The following NCOA1 variants were observed in gnomAD, a reference collection of about 807,000 sequenced individuals.
The protein encoded by NCOA1 is Hin-2 protein.
NCOA1 carries 35 observed loss-of-function variants against 150.9 expected under a neutral mutation model. The observed-to-expected ratio is 0.23, with a 90% CI of 0.18 to 0.31. The LOEUF (loss-of-function observed/expected upper bound fraction) is 0.31. NCOA1 is among the 10% of genes least tolerant of loss of function. NCOA1 has a pLI of 1.00. For synonymous variants in NCOA1, 590 were observed against 630.0 expected, an observed-to-expected ratio of 0.94 and a Z score of 0.95; for missense variants, 1,491 against 1,749.3, an observed-to-expected ratio of 0.85 and a Z score of 2.63.
chr2:24,743,612 G>A (rs1311124104), intron 19 of NCOA1, among the ~76,000 whole-genome samples: 1 of 152,140 alleles, frequency 6.6e-6, no homozygotes, highest in Non-Finnish European at 1.5e-5. Flanking sequence ...ATTTCCATGT[G>A]TCTTACAATT....
At chr2:24,734,665 G>A (rs1663198712) in intron 17 of NCOA1, among the ~76,000 whole-genome samples, 1 of 152,122 alleles carries the variant, frequency 6.6e-6, no homozygotes, top group Admixed American at 6.6e-5. Context: ...CAAAAAGCCA[G>A]GTGTGGTGAT....
At chr2:24,704,112 G>A (rs1315909545) in intron 11 of NCOA1, among the ~76,000 whole-genome samples, 1 of 152,068 alleles carries the variant, frequency 6.6e-6, no homozygotes, top group Admixed American at 6.6e-5. Context: ...CTTAGTTTTT[G>A]TTCCTTATAC....
intron 3 of NCOA1, among the ~76,000 whole-genome samples, chr2:24,639,516 A>G (rs970559596): frequency 3.3e-5 from 5 of 152,044 alleles, no homozygotes; most frequent in Non-Finnish European, 7.4e-5. Context: ...TCAGTTGTCC[A>G]TATTTATTCC....
At chr2:24,570,162 A>G (rs1297613912) in intron 2 of NCOA1, among the ~76,000 whole-genome samples, 5 of 150,800 alleles carry the variant, frequency 3.3e-5, no homozygotes, top group African/African-American at 1.2e-4. Flanking sequence ...TCCAGGCTGT[A>G]TAATGCCACT....
At chr2:24,674,811 A>G (rs1330803947) in intron 7 of NCOA1, among the ~76,000 whole-genome samples, 2 of 152,126 alleles carry the variant, frequency 1.3e-5, no homozygotes, top group African/African-American at 4.8e-5. Context: ...CCTGCTGGTC[A>G]GAGTTCTGCA....
At position 24,576,149 on chromosome 2, in the gene NCOA1, G is replaced by GTTTTTTTTTTTTTTTTTTT. The variant is rs1183405187; in HGVS notation, c.-259-8314_-259-8313insTTTTTTTTTTTTTTTTTTT. On this transcript the variant is annotated intron_variant, in intron 2 of 22. Coordinates refer to ENST00000348332, the MANE Select transcript of NCOA1 (RefSeq NM_003743.5). ...GAGTTTCAGAAATTATTTGGCCTTT[G>GTTTTTTTTTTTTTTTTTTT]TTTTTTTTTTTTTGTTTTTTGTTTT... 8.5e-4 allele frequency among the ~76,000 whole-genome samples: 80 copies of GTTTTTTTTTTTTTTTTTTT among 94,000 alleles called. 10 individuals carry two copies. The highest frequency in any genetic ancestry group is 1.1e-3 in the Non-Finnish European group (54 of 48,852). The allele number at this position is 94,000 out of a possible 152,430, so 61.7% of individuals were successfully genotyped here.
intron 19 of NCOA1, among the ~76,000 whole-genome samples, chr2:24,744,704 C>G (rs1663801876): frequency 6.6e-6 from 1 of 152,184 alleles, no homozygotes; most frequent in African/African-American, 2.4e-5. Flanking sequence ...TATATGTGTT[C>G]CAACATGTTT....
intron 1 of NCOA1, among the ~76,000 whole-genome samples, chr2:24,508,137 A>G (rs1462983795): frequency 6.6e-6 from 1 of 152,156 alleles, no homozygotes; most frequent in Admixed American, 6.5e-5. Context: ...AGCTAATCCT[A>G]TTGATGGTGT....
rs1671452631 is a variant in NCOA1 at position 24,666,794 on chromosome 2, A to G, written c.256+879A>G. 3.9e-5 allele frequency among the ~76,000 whole-genome samples: 6 copies of G among 152,064 alleles called. No homozygotes were observed. In the South Asian group the frequency reaches 1.2e-3, roughly 32 times the overall value. The stretch of plus-strand genomic sequence containing the variant: ...ATTACAAGTGCGCGCCACTATGCCC[A>G]GCTAATTTTTGTATTTTTAGTAGAG... On this transcript the variant is annotated intron_variant, in intron 6 of 22. Transcript: ENST00000348332.
In NCOA1 at chr2:24,672,133, A is replaced by G. The variant is rs572781170; in HGVS notation, c.257-1233A>G. On this transcript the variant is annotated intron_variant, in intron 6 of 22. Coordinates refer to ENST00000348332, the MANE Select transcript of NCOA1 (RefSeq NM_003743.5). ...ATTGTTTATATATATGTTTATATAT[A>G]TAACAATATATTGTTTATGAAATCA... is the stretch of plus-strand genomic sequence containing the variant. Among the ~76,000 whole-genome samples the G allele has an allele frequency of 5.9e-3, 343 of 58,414 alleles. 1 individual carries two copies. Among genetic ancestry groups the G allele is most frequent in the Non-Finnish European group, 0.011 (209 of 18,426 alleles). 38.3% of individuals were successfully genotyped at this position (58,414 alleles called of 152,430 possible).
At chr2:24,611,111 T>C (rs568548819) in intron 3 of NCOA1, among the ~76,000 whole-genome samples, 2 of 152,298 alleles carry the variant, frequency 1.3e-5, no homozygotes, top group South Asian at 2.1e-4. Flanking sequence ...CATCTCTCCC[T>C]CCCTGCTCTG....
intron 7 of NCOA1, among the ~76,000 whole-genome samples, chr2:24,675,190 A>G (rs771882896): frequency 6.6e-6 from 1 of 152,238 alleles, no homozygotes; most frequent in African/African-American, 2.4e-5. Context: ...ACATATACAC[A>G]TATATGTGAA....
chr2:24,532,187 T>G lies in NCOA1; in HGVS notation c.-395-32108T>G, dbSNP rs1664929544. 2.6e-5 allele frequency among the ~76,000 whole-genome samples: 4 copies of G among 152,246 alleles called. No individual in the cohort carries two copies. In the South Asian group the frequency reaches 8.3e-4, roughly 31 times the overall value. On this transcript the variant is annotated intron_variant, in intron 1 of 22. Coordinates refer to ENST00000348332, the MANE Select transcript of NCOA1 (RefSeq NM_003743.5). ...GATGGTATCTCACTGTGGTTTTGATTTGCATTTCTCTGATGACCAGTGATG... is the reference window on the plus strand; with the variant it reads ...GATGGTATCTCACTGTGGTTTTGATGTGCATTTCTCTGATGACCAGTGATG...
intron 1 of NCOA1, among the ~76,000 whole-genome samples, chr2:24,523,627 A>AAAAAAAAAAAAAAAG (rs1664522619): frequency 1.5e-5 from 2 of 129,590 alleles, no homozygotes; most frequent in African/African-American, 5.6e-5. Context: ...AAAAAAAAAA[A>AAAAAAAAAAAAAAAG]AAAGAAACTG....
chr2:24,709,600 T>A (rs1408445431), intron 13 of NCOA1, among the ~76,000 whole-genome samples: 1 of 152,266 alleles, frequency 6.6e-6, no homozygotes, highest in Non-Finnish European at 1.5e-5. Context: ...TGCTAAGGCT[T>A]ACCTTTTCTT....
intron 1 of NCOA1, among the ~76,000 whole-genome samples, chr2:24,510,980 G>A (rs943395982): frequency 8.5e-5 from 13 of 152,214 alleles, no homozygotes; most frequent in Admixed American, 3.3e-4. Context: ...AAGAAATTCC[G>A]TGCCTGTTAG....
At chr2:24,644,978 A>G (rs1471757440) in intron 4 of NCOA1, among the ~76,000 whole-genome samples, 1 of 152,084 alleles carries the variant, frequency 6.6e-6, no homozygotes, top group East Asian at 1.9e-4. Context: ...CACTATGGAG[A>G]GTGATACCTG....
chr2:24,761,217 G>A (rs1423562052), intron 21 of NCOA1, among the ~76,000 whole-genome samples: 1 of 152,154 alleles, frequency 6.6e-6, no homozygotes, highest in Non-Finnish European at 1.5e-5. Context: ...CTCTCCTTCA[G>A]AGACTTCAGT....
chr2:24,739,464 C>G lies in NCOA1; in HGVS notation c.3234C>G (p.Asn1078Lys), dbSNP rs1572665994. 6.2e-7 allele frequency: 1 copy of G among 1,613,882 alleles called. No homozygotes were observed. Among genetic ancestry groups the G allele is most frequent in the Non-Finnish European group, 8.5e-7 (1 of 1,179,822 alleles). ...LIHQNRQAILNQFAATAPVGI... is the reference protein window; with the variant it reads ...LIHQNRQAILKQFAATAPVGI... Reference sequence around the variant, plus strand: ...ACCAAAATCGGCAAGCTATCTTAAACCAGTTTGCAGCAACTGCTCCTGTTG... The same window carrying G: ...ACCAAAATCGGCAAGCTATCTTAAAGCAGTTTGCAGCAACTGCTCCTGTTG... Residue 1078 changes from asparagine (N) to lysine (K), a missense_variant, in exon 18 of 23, where the codon AAC becomes AAG. Physicochemically the swap from Asn to Lys is moderately conservative, Grantham distance 94. Coordinates refer to ENST00000348332, the MANE Select transcript of NCOA1 (RefSeq NM_003743.5).
Sources: gnomAD v4.1 joint callset for allele counts (sites outside exome capture counted in the v4.1 genomes callset) on GRCh38, gnomAD v4.1.1 for gene constraint, MANE v1.5 for transcripts, NCBI Gene and HGNC (gene_info 2026-07-23, HGNC 2026-07-21) for gene names.